PIGO: variants seen among roughly 807,000 people sequenced by gnomAD.
PIGO encodes the protein GPI ethanolamine phosphate transferase 3, catalytic subunit.
Under a neutral mutation model 86.9 loss-of-function variants are expected in PIGO, and 66 were observed. The observed-to-expected ratio is 0.76, with a 90% CI of 0.62 to 0.93. The LOEUF is 0.93. Among genes scored for constraint, PIGO ranks in the 40% least tolerant of loss-of-function variants. The probability of loss-of-function intolerance (pLI) is 0.00; values close to 1 mark genes in which losing one functional copy is unlikely to be tolerated. For synonymous variants in PIGO, 570 were observed against 556.4 expected, an observed-to-expected ratio of 1.02 and a Z score of -0.34; for missense variants, 1,202 against 1,359.1, an observed-to-expected ratio of 0.88 and a Z score of 1.82.
chr9:35,093,352 A>G, intron 5 of PIGO, 69 bp downstream of exon 5: 1 of 1,604,270 alleles, frequency 6.2e-7, no homozygotes, highest in Non-Finnish European at 8.5e-7. Flanking sequence ...AGAGGTATTC[A>G]TGAGGATGCT....
intron 6 of PIGO, 54 bp from the exon 7 acceptor site, chr9:35,092,821 G>A: frequency 6.7e-7 from 1 of 1,493,628 alleles, no homozygotes; most frequent in Non-Finnish European, 9.1e-7. Context: ...CATAAATTGG[G>A]GCAGAGGCAA....
In PIGO at chr9:35,095,537, AG is replaced by A. The variant is rs756803653; in HGVS notation, c.28del (p.Leu10TrpfsTer65). 1.3e-6 allele frequency: 2 copies of A among 1,593,836 alleles called. No individual in the cohort carries two copies. The highest frequency in any genetic ancestry group is 1.3e-5 in the African/African-American group (1 of 74,284). MQKASVLLF[L>X]AWVCFLFYAG... ...GTAGAAGAGGAAGCAGACCCAGGCCAGGAAGAGCAACACTGAGGCTTTCTGC... is the reference window on the plus strand; with the variant it reads ...GTAGAAGAGGAAGCAGACCCAGGCCAGAAGAGCAACACTGAGGCTTTCTGC... On this transcript the variant is annotated frameshift_variant, in exon 2 of 11. Coordinates refer to ENST00000378617, the MANE Select transcript of PIGO (RefSeq NM_032634.4). LOFTEE classifies it high-confidence loss of function.
At chr9:35,094,980 G>T in intron 2 of PIGO, 75 bp downstream of exon 2, 1 of 1,519,328 alleles carries the variant, frequency 6.6e-7, no homozygotes, top group South Asian at 1.3e-5. Flanking sequence ...GGCACCCAAA[G>T]GTCTGACTCC....
Position 35,091,508 on chromosome 9 carries a change from C to T in PIGO, c.2379G>A (p.Leu793=). 6.2e-7 allele frequency: 1 copy of T among 1,614,152 alleles called. No individual in the cohort carries two copies. The highest frequency in any genetic ancestry group is 1.3e-5 in the African/African-American group (1 of 75,036). ...FSGPPTSQAD[L]DYVVPQIYRH... ...GGTAGATTTGAGGGACCACATAATCCAAGTCAGCTTGAGAAGTGGGGGGGC... is the reference window on the plus strand; with the variant it reads ...GGTAGATTTGAGGGACCACATAATCTAAGTCAGCTTGAGAAGTGGGGGGGC... Residue 793 remains leucine, a synonymous_variant, in exon 7 of 11, where the codon TTG becomes TTA. Coordinates refer to ENST00000378617, the MANE Select transcript of PIGO (RefSeq NM_032634.4).
At position 35,095,102 on chromosome 9, in the gene PIGO, C is replaced by T. The variant is rs908049087; in HGVS notation, c.464G>A (p.Ser155Asn). The T allele has an allele frequency of 2.3e-5, 37 of 1,612,684 alleles. No homozygotes were observed. The highest frequency in any genetic ancestry group is 3.1e-5 in the Non-Finnish European group (37 of 1,179,310). Residue 155 changes from serine (S) to asparagine (N), a missense_variant, in exon 2 of 11, where the codon AGC (serine) becomes AAC (asparagine). Physicochemically the swap from Ser to Asn is conservative, Grantham distance 46. Coordinates refer to ENST00000378617, the MANE Select transcript of PIGO (RefSeq NM_032634.4). ...TFIDAGSNFA[S>N]HAIVEDNLIK... is the part of the protein sequence containing the mutation. ...GAGATTGTCTTCCACTATGGCGTGG[C>T]TGGCGAAGTTACTACCAGCATCAAT...
In PIGO at chr9:35,090,691, C is replaced by T. The variant is rs1259554084; in HGVS notation, c.2648-19G>A. On this transcript the variant is annotated intron_variant, in intron 7 of 10. Transcript: ENST00000378617. ...AAAGGACCTGGAAGAAAAGATATGC[C>T]ACGTTACAGTCACTTCTTATTCCCT... 1.9e-6 allele frequency: 3 copies of T among 1,610,336 alleles called. No individual in the cohort carries two copies. The highest frequency in any genetic ancestry group is 1.1e-5 in the South Asian group (1 of 90,840).
rs570149221 is a variant in PIGO at position 35,090,203 on chromosome 9, T to A, written c.2932A>T (p.Asn978Tyr). 5.6e-6 allele frequency: 9 copies of A among 1,614,190 alleles called. No homozygotes were observed. The South Asian group carries it at 9.9e-5, about 18-fold the overall frequency. Residue 978 changes from asparagine to tyrosine, a missense_variant, in exon 9 of 11, where the codon AAT becomes TAT. By Grantham distance (143) the Asn-to-Tyr change is moderately radical. Transcript: ENST00000378617. ...GLRKRQQPPG[N>Y]EADARVRPEE... ...GGTCTGACTCTGGCATCAGCTTCAT[T>A]CCCTGGGGGCTGCTGTCTCTTCCGC...
At position 35,093,099 on chromosome 9, in the gene PIGO, C is replaced by G. The variant is rs764727849; in HGVS notation, c.1050G>C (p.Gly350=). Residue 350 remains glycine, a synonymous_variant, in exon 6 of 11, where the codon GGG becomes GGC. Coordinates refer to ENST00000378617, the MANE Select transcript of PIGO (RefSeq NM_032634.4). Reference sequence around the variant, plus strand: ...AGGAGTGGGGCTGGGAGTCCTCACCCCCTGAGAATAGCTCAGCCATCACTT... The same window carrying G: ...AGGAGTGGGGCTGGGAGTCCTCACCGCCTGAGAATAGCTCAGCCATCACTT... ...IGEVMAELFS[G]GEDSQPHSSA... 1 of 1,614,178 alleles carries G rather than the reference C, an allele frequency of 6.2e-7. No individual in the cohort carries two copies. The highest frequency in any genetic ancestry group is 8.5e-7 in the Non-Finnish European group (1 of 1,180,026).
Position 35,095,287 on chromosome 9 carries a change from C to T in PIGO, c.279G>A (p.Glu93=), listed in dbSNP as rs1192285768. 1 of 1,614,168 alleles carries T rather than the reference C, an allele frequency of 6.2e-7. No individual in the cohort carries two copies. Among genetic ancestry groups the T allele is most frequent in the Non-Finnish European group, 8.5e-7 (1 of 1,180,030 alleles). The part of the protein sequence containing the change: ...AQPQHSHVPR[E]PPVSLPFLGK... ...CCAGGAAGGGTAGGGAGACAGGAGG[C>T]TCTCTAGGCACGTGTGAATGCTGGG... Residue 93 remains glutamate (E), a synonymous_variant, in exon 2 of 11, where the codon GAG becomes GAA. Coordinates refer to ENST00000378617, the MANE Select transcript of PIGO (RefSeq NM_032634.4).
rs756196244 is a variant in PIGO, at chr9:35,092,538, C to T, written c.1349G>A (p.Arg450His). 14 of 1,614,074 alleles carry T rather than the reference C, an allele frequency of 8.7e-6. No individual in the cohort carries two copies. Among genetic ancestry groups the T allele is most frequent in the East Asian group, 4.5e-5 (2 of 44,888 alleles). The part of the protein sequence containing the change: ...IESWARFSLV[R>H]MAGGTALLAA... ...CAAGAGAGCAGTACCCCCCGCCATG[C>T]GGACCAGAGAGAAACGAGCCCAAGA... Residue 450 changes from arginine to histidine, a missense_variant, in exon 7 of 11, where the codon CGC (arginine) becomes CAC (histidine). Physicochemically the swap from Arg to His is conservative, Grantham distance 29. Transcript: ENST00000378617.
At position 35,090,624 on chromosome 9, in the gene PIGO, G is replaced by A; in HGVS notation, c.2696C>T (p.Ala899Val). 6.2e-7 allele frequency: 1 copy of A among 1,613,928 alleles called. No homozygotes were observed. Among genetic ancestry groups the A allele is most frequent in the Non-Finnish European group, 8.5e-7 (1 of 1,180,010 alleles). The change falls in exon 8 of 11, where the codon GCC becomes GTC. Residue 899 changes from alanine (A) to valine (V), a missense_variant. Ala to Val is a moderately conservative substitution (Grantham distance 64). Transcript: ENST00000378617. ...GCCTGTGGAGTAGAAGGTCTGTGTG[G>A]CCATGAGGGCCCAAGCCGAGACTGC... ...WQAVSAWALM[A>V]TQTFYSTGHQ... is the part of the protein sequence containing the mutation.
rs745754359 is a variant in PIGO, at chr9:35,095,313, G to C, written c.253C>G (p.Pro85Ala). 1.2e-6 allele frequency: 2 copies of C among 1,614,088 alleles called. No individual in the cohort carries two copies. The highest frequency in any genetic ancestry group is 3.3e-5 in the Admixed American group (2 of 60,016). The change falls in exon 2 of 11, where the codon CCC becomes GCC. Residue 85 changes from proline (P) to alanine (A), a missense_variant. Coordinates refer to ENST00000378617, the MANE Select transcript of PIGO (RefSeq NM_032634.4). ...TCTCTAGGCACGTGTGAATGCTGGGGCTGGGCGAAGTCAAATCGCAGAGCA... is the reference window on the plus strand; with the variant it reads ...TCTCTAGGCACGTGTGAATGCTGGGCCTGGGCGAAGTCAAATCGCAGAGCA... ...IDALRFDFAQ[P>A]QHSHVPREPP...
In PIGO at chr9:35,095,642, C is replaced by T. The variant is rs1425564504; in HGVS notation, c.-1-76G>A. On this transcript the variant is annotated intron_variant, in intron 1 of 10. Coordinates refer to ENST00000378617, the MANE Select transcript of PIGO (RefSeq NM_032634.4). ...GATATTCTGGTCCCTGAATACAAGC[C>T]CAGCTAGAATCACTTCCTCCCGGAA... The T allele has an allele frequency of 2.1e-6, 3 of 1,407,866 alleles. No individual in the cohort carries two copies. In the South Asian group the frequency reaches 4.5e-5, roughly 21 times the overall value. 87.2% of individuals were successfully genotyped at this position (1,407,866 alleles called of 1,614,324 possible).
At chr9:35,092,966 T>C in intron 6 of PIGO, 64 bp downstream of exon 6, 2 of 1,531,774 alleles carry the variant, frequency 1.3e-6, no homozygotes, top group Admixed American at 3.8e-5. Context: ...AAAAGAGTGG[T>C]TCATTATGCT....
chr9:35,091,880 C>A lies in PIGO; in HGVS notation c.2007G>T (p.Trp669Cys). ...CCAGCGCCGCCACACAAGCTCCATA[C>A]CACAAATTCTTGGCTCGACCACCCA... ...SMVGGRAKNL[W>C]YGACVAALVA... Residue 669 changes from tryptophan to cysteine, a missense_variant, in exon 7 of 11, where the codon TGG becomes TGT. Transcript: ENST00000378617. 6 of 1,614,222 alleles carry A rather than the reference C, an allele frequency of 3.7e-6. No homozygotes were observed. The highest frequency in any genetic ancestry group is 5.1e-6 in the Non-Finnish European group (6 of 1,180,050).
rs576670043 is a variant in PIGO at position 35,088,925 on chromosome 9, G to A, written c.*167C>T. The A allele has an allele frequency of 1.1e-5, 10 of 921,126 alleles. No individual in the cohort carries two copies. The highest frequency in any genetic ancestry group is 2.4e-5 in the Admixed American group (1 of 42,320). The allele number at this position is 921,126 out of a possible 1,614,324, so 57.1% of individuals were successfully genotyped here. A position where few individuals can be genotyped will look rare whatever the true frequency, so the allele number is the denominator to read the frequency against. On this transcript the variant is annotated 3_prime_UTR_variant, in exon 11 of 11. Transcript: ENST00000378617. The stretch of plus-strand genomic sequence containing the variant: ...GGAGTTAGGGATCATACTCCACTGT[G>A]GTCCTGAATTATAGAATAATGAAGT...
chr9:35,092,428 C>T lies in PIGO; in HGVS notation c.1459G>A (p.Val487Met), dbSNP rs762885128. ...ATGGCCCCAACCAGGCCCCAGGCCA[C>T]AGGTGTCAGGAGTAGAGGGCAGAAT... ...FPFCPLLLTP[V>M]AWGLVGAIAY... Residue 487 changes from valine to methionine, a missense_variant, in exon 7 of 11, where the codon GTG (valine) becomes ATG (methionine). Coordinates refer to ENST00000378617, the MANE Select transcript of PIGO (RefSeq NM_032634.4). 6 of 1,614,252 alleles carry T rather than the reference C, an allele frequency of 3.7e-6. No individual in the cohort carries two copies. The Admixed American group carries it at 1.0e-4, about 27-fold the overall frequency.
Position 35,094,334 on chromosome 9 carries a change from A to G in PIGO, c.537T>C (p.Asp179=), listed in dbSNP as rs761993139. 1.1e-5 allele frequency: 18 copies of G among 1,606,376 alleles called. No homozygotes were observed. The Admixed American group carries it at 1.2e-4, about 11-fold the overall frequency. Residue 179 remains aspartate, a synonymous_variant, in exon 3 of 11, where the codon GAT becomes GAC. Coordinates refer to ENST00000378617, the MANE Select transcript of PIGO (RefSeq NM_032634.4). The part of the protein sequence containing the change: ...SAGRRVVFMG[D]DTWKDLFPGA... ...CAGGGAAAAGGTCTTTCCAGGTATCATCTCCCATGAAGACTACACGCCTTC... is the reference window on the plus strand; with the variant it reads ...CAGGGAAAAGGTCTTTCCAGGTATCGTCTCCCATGAAGACTACACGCCTTC...
At chr9:35,094,670 G>A (rs1829585802) in intron 2 of PIGO, among the ~76,000 whole-genome samples, 1 of 152,202 alleles carries the variant, frequency 6.6e-6, no homozygotes, top group African/African-American at 2.4e-5. Context: ...TGAATGAACA[G>A]GGCCTGTATT....
Sources: allele counts gnomAD v4.1 joint callset (sites outside exome capture counted in the v4.1 genomes callset), GRCh38; gene constraint gnomAD v4.1.1; transcripts MANE v1.5; gene names NCBI Gene and HGNC (gene_info 2026-07-23, HGNC 2026-07-21).